Variants in ERP44 observed in about 807,000 individuals in gnomAD.
ERP44 encodes the protein endoplasmic reticulum protein 44.
A neutral mutation model predicts 53.4 loss-of-function variants in ERP44; 25 were observed. That is an observed-to-expected ratio of 0.47 (90% CI 0.34 to 0.65). The LOEUF is 0.65. Among genes scored for constraint, ERP44 ranks in the 30% least tolerant of loss-of-function variants. ERP44 has a pLI of 0.01. For synonymous variants in ERP44, 145 were observed against 161.2 expected, an observed-to-expected ratio of 0.90 and a Z score of 0.76; for missense variants, 338 against 493.2, an observed-to-expected ratio of 0.69 and a Z score of 2.98.
At chr9:100,012,659 A>T (rs915795555) in intron 8 of ERP44, among the ~76,000 whole-genome samples, 2 of 152,228 alleles carry the variant, frequency 1.3e-5, no homozygotes, top group African/African-American at 4.8e-5. Context: ...TGACATAAAA[A>T]TACTAACTTA....
At chr9:100,020,445 A>G (rs542619116) in intron 6 of ERP44, among the ~76,000 whole-genome samples, 171 bp downstream of exon 6, 1 of 152,332 alleles carries the variant, frequency 6.6e-6, no homozygotes, top group African/African-American at 2.4e-5. Flanking sequence ...AGAAAAACAG[A>G]CTTTTAAAAC....
At chr9:100,069,942 G>C (rs910763231) in intron 1 of ERP44, among the ~76,000 whole-genome samples, 10 of 152,200 alleles carry the variant, frequency 6.6e-5, no homozygotes, top group Non-Finnish European at 1.3e-4. Context: ...ACCTGGAACA[G>C]ACAATGTATT....
intron 6 of ERP44, among the ~76,000 whole-genome samples, chr9:100,020,405 C>A (rs1253556693): frequency 6.6e-6 from 1 of 152,016 alleles, no homozygotes. Flanking sequence ...TCCCTCTTGC[C>A]CACATTCTGA....
intron 1 of ERP44, among the ~76,000 whole-genome samples, chr9:100,070,614 C>T (rs79276300): frequency 6.6e-6 from 1 of 152,280 alleles, no homozygotes; most frequent in East Asian, 1.9e-4. Context: ...GTGGAACAAC[C>T]AAGTATTCTG....
In ERP44 at chr9:100,022,059, C is replaced by T. The variant is rs760299017; in HGVS notation, c.454G>A (p.Glu152Lys). 1 of 1,613,034 alleles carries T rather than the reference C, an allele frequency of 6.2e-7. No homozygotes were observed. The highest frequency in any genetic ancestry group is 8.5e-7 in the Non-Finnish European group (1 of 1,179,626). Residue 152 changes from glutamate (E) to lysine (K), a missense_variant, in exon 5 of 12, where the codon GAA (glutamate) becomes AAA (lysine). By Grantham distance (56) the Glu-to-Lys change is moderately conservative. This residue lies in a region of ERP44 where 224 missense variants were observed against 301.4 expected (regional missense o/e 0.74). Coordinates refer to ENST00000262455, the MANE Select transcript of ERP44 (RefSeq NM_015051.3). The part of the protein sequence containing the change: ...DPIQEIRDLA[E>K]ITTLDRSKRN... ...CAACTTACATCAAGAGTGGTGATTT[C>T]TGCTAAGTCCCGAATTTCTTGAATG...
At position 100,016,380 on chromosome 9, in the gene ERP44, T is replaced by C. The variant is rs989139291; in HGVS notation, c.704A>G (p.Asn235Ser). ...AGGAACACATTTATCTTGAATCCAA[T>C]TGTAAGTCACATCAAAATTTGTCAT... ...GAMTNFDVTYNWIQDKCVPLV... is the reference protein window; with the variant it reads ...GAMTNFDVTYSWIQDKCVPLV... The change falls in exon 8 of 12, where the codon AAT becomes AGT. Residue 235 changes from asparagine to serine, a missense_variant. By Grantham distance (46) the Asn-to-Ser change is conservative. Transcript: ENST00000262455. The C allele has an allele frequency of 9.3e-6, 15 of 1,612,664 alleles. No homozygotes were observed. The highest frequency in any genetic ancestry group is 1.2e-5 in the Non-Finnish European group (14 of 1,179,600).
At position 99,980,657 on chromosome 9, in the gene ERP44, G is replaced by C. The variant is rs1830139503; in HGVS notation, c.*1955C>G. The C allele has an allele frequency of 6.6e-6, 1 of 152,164 alleles. No homozygotes were observed. Among genetic ancestry groups the C allele is most frequent in the Non-Finnish European group, 1.5e-5 (1 of 68,030 alleles). The allele number at this position is 152,164 out of a possible 1,614,324, so 9.4% of individuals were successfully genotyped here. ...AAACGCCTGATGGTGACTACTAAGT[G>C]TCCAGAAATTCTAGGCACTAGTGAT... On this transcript the variant is annotated 3_prime_UTR_variant, in exon 12 of 12. Transcript: ENST00000262455.
intron 1 of ERP44, among the ~76,000 whole-genome samples, chr9:100,082,310 T>C (rs997153839): frequency 2.0e-5 from 3 of 148,100 alleles, no homozygotes; most frequent in East Asian, 1.9e-4. Flanking sequence ...AAAACCACCA[T>C]GGCACATGTA....
chr9:100,014,394 C>G (rs1397961830), intron 8 of ERP44, among the ~76,000 whole-genome samples: 3 of 152,176 alleles, frequency 2.0e-5, no homozygotes, highest in Non-Finnish European at 1.5e-5. Context: ...AAGTGATTCT[C>G]CTGCCTCAGC....
At chr9:100,012,523 GT>G (rs1231621037) in intron 8 of ERP44, among the ~76,000 whole-genome samples, 1 of 152,072 alleles carries the variant, frequency 6.6e-6, no homozygotes, top group African/African-American at 2.4e-5. Flanking sequence ...GCAATGATCT[GT>G]CCAAGCAGAC....
chr9:100,068,043 C>T (rs1393099303), intron 1 of ERP44, among the ~76,000 whole-genome samples: 1 of 148,896 alleles, frequency 6.7e-6, no homozygotes, highest in East Asian at 2.1e-4. Flanking sequence ...GGGTCAGTCC[C>T]CCGCCCGGCC....
At chr9:100,024,042 C>G (rs962264372) in intron 4 of ERP44, among the ~76,000 whole-genome samples, 5 of 152,046 alleles carry the variant, frequency 3.3e-5, no homozygotes, top group African/African-American at 1.2e-4. Flanking sequence ...GTAATCCCAG[C>G]TATCTGGTGG....
intron 10 of ERP44, among the ~76,000 whole-genome samples, chr9:99,992,189 C>A (rs1830263537): frequency 6.6e-6 from 1 of 152,128 alleles, no homozygotes; most frequent in Admixed American, 6.5e-5. Flanking sequence ...CATCCTGATA[C>A]CAAAGCCTGG....
At position 99,982,503 on chromosome 9, in the gene ERP44, G is replaced by T; in HGVS notation, c.*109C>A. On this transcript the variant is annotated 3_prime_UTR_variant, in exon 12 of 12. Transcript: ENST00000262455. ...AATTAAAAACCCAAAATTTCTTTCT[G>T]TTTATTCAAAATAAAAATACACATA... The T allele has an allele frequency of 2.0e-6, 1 of 494,920 alleles. No individual in the cohort carries two copies. The highest frequency in any genetic ancestry group is 3.2e-6 in the Non-Finnish European group (1 of 313,712). The allele number at this position is 494,920 out of a possible 1,614,324, so 30.7% of individuals were successfully genotyped here.
chr9:99,996,836 C>G (rs530123848), intron 10 of ERP44, among the ~76,000 whole-genome samples: 1 of 107,728 alleles, frequency 9.3e-6, no homozygotes, highest in South Asian at 3.2e-4. Flanking sequence ...CAATCTCATC[C>G]AGATCACTGT....
At chr9:100,078,122 T>C (rs933685761) in intron 1 of ERP44, among the ~76,000 whole-genome samples, 2 of 152,246 alleles carry the variant, frequency 1.3e-5, no homozygotes, top group Non-Finnish European at 2.9e-5. Flanking sequence ...TTCCTCCTTT[T>C]GTTAAAAACG....
intron 1 of ERP44, among the ~76,000 whole-genome samples, chr9:100,077,762 C>T (rs191368168): frequency 1.4e-4 from 22 of 152,298 alleles, no homozygotes; most frequent in African/African-American, 4.8e-4. Flanking sequence ...GGGTGACTGA[C>T]CCAGACTATG....
At chr9:100,006,906 T>G (rs886563196) in intron 9 of ERP44, among the ~76,000 whole-genome samples, 1 of 152,252 alleles carries the variant, frequency 6.6e-6, no homozygotes, top group Non-Finnish European at 1.5e-5. Flanking sequence ...ATTTTTTACT[T>G]TCCTTAAATG....
intron 4 of ERP44, among the ~76,000 whole-genome samples, chr9:100,040,931 C>G (rs1266811032): frequency 6.6e-6 from 1 of 151,592 alleles, no homozygotes; most frequent in Admixed American, 6.6e-5. Context: ...AATAAAATAC[C>G]TAGGAATTAA....
Sources: gnomAD v4.1 joint callset for allele counts (sites outside exome capture counted in the v4.1 genomes callset) on GRCh38, gnomAD v4.1.1 for gene constraint, gnomAD v4.1.1 regional missense constraint, MANE v1.5 for transcripts, NCBI Gene and HGNC (gene_info 2026-07-23, HGNC 2026-07-21) for gene names.